SRPK2: variants seen among roughly 807,000 people sequenced by gnomAD.
SRPK2 encodes SFRS protein kinase 2.
A neutral mutation model predicts 90.8 loss-of-function variants in SRPK2; 21 were observed. The observed-to-expected ratio is 0.23, with a 90% CI of 0.16 to 0.33. The LOEUF (loss-of-function observed/expected upper bound fraction) is 0.33, where lower values mean the gene tolerates loss of function less well. Among genes scored for constraint, SRPK2 ranks in the 10% least tolerant of loss-of-function variants. The pLI is 1.00. For missense variants in SRPK2, 620 were observed against 869.0 expected (o/e 0.71, Z 3.60); for synonymous variants, 288 against 311.1 (o/e 0.93, Z 0.78).
At chr7:105,292,374 G>A (rs6963661) in intron 2 of SRPK2, among the ~76,000 whole-genome samples, 65,705 of 151,480 alleles carry the variant, frequency 0.43, 15,651 homozygotes, top group Non-Finnish European at 0.53. Flanking sequence ...TGGGTGTGGC[G>A]GCATATGCCT....
At chr7:105,198,222 T>C (rs1795149480) in intron 3 of SRPK2, among the ~76,000 whole-genome samples, 1 of 152,152 alleles carries the variant, frequency 6.6e-6, no homozygotes, top group Admixed American at 6.5e-5. Context: ...CTCTCAAGGA[T>C]TCCAATTCAG....
chr7:105,311,962 T>C (rs1432408303), intron 2 of SRPK2, among the ~76,000 whole-genome samples: 3 of 152,214 alleles, frequency 2.0e-5, no homozygotes, highest in Non-Finnish European at 1.5e-5. Flanking sequence ...CCAAATGCCA[T>C]CAATGGGTGA....
At chr7:105,236,681 C>A (rs530524963) in intron 2 of SRPK2, among the ~76,000 whole-genome samples, 8 of 152,102 alleles carry the variant, frequency 5.3e-5, no homozygotes, top group Admixed American at 5.2e-4. Flanking sequence ...CCACTTATAA[C>A]AACCTGTAGT....
chr7:105,221,198 G>A (rs1798053658), intron 2 of SRPK2, among the ~76,000 whole-genome samples: 1 of 152,058 alleles, frequency 6.6e-6, no homozygotes, highest in African/African-American at 2.4e-5. Context: ...TCATTATGAG[G>A]GACTTGTATC....
chr7:105,292,870 C>A (rs1017808988), intron 2 of SRPK2, among the ~76,000 whole-genome samples: 1 of 152,232 alleles, frequency 6.6e-6, no homozygotes, highest in African/African-American at 2.4e-5. Flanking sequence ...CAGTTCTACT[C>A]CTGCTCTCTC....
chr7:105,152,298 T>G (rs1805811588), intron 7 of SRPK2, among the ~76,000 whole-genome samples: 1 of 151,976 alleles, frequency 6.6e-6, no homozygotes, highest in African/African-American at 2.4e-5. Context: ...TACAGGCACA[T>G]GTCACCATGC....
chr7:105,377,821 A>C (rs1343069433), intron 2 of SRPK2, among the ~76,000 whole-genome samples: 1 of 152,190 alleles, frequency 6.6e-6, no homozygotes, highest in Non-Finnish European at 1.5e-5. Context: ...CTAATTCAGA[A>C]ACATGGAATT....
At chr7:105,232,807 G>A (rs1284235217) in intron 2 of SRPK2, among the ~76,000 whole-genome samples, 1 of 152,020 alleles carries the variant, frequency 6.6e-6, no homozygotes, top group East Asian at 1.9e-4. Flanking sequence ...GAGGTCAAGA[G>A]ATCGAGACCA....
At chr7:105,250,007 G>A (rs892657356) in intron 2 of SRPK2, among the ~76,000 whole-genome samples, 1 of 152,080 alleles carries the variant, frequency 6.6e-6, no homozygotes, top group South Asian at 2.1e-4. Flanking sequence ...CCATTTCACT[G>A]AGCTAAGCGT....
At chr7:105,293,533 C>T (rs1323193589) in intron 2 of SRPK2, among the ~76,000 whole-genome samples, 4 of 146,196 alleles carry the variant, frequency 2.7e-5, no homozygotes, top group Non-Finnish European at 1.5e-5. Flanking sequence ...GATTTTCATA[C>T]TTCAGCCTCC....
intron 2 of SRPK2, among the ~76,000 whole-genome samples, chr7:105,221,936 CA>C (rs1798147446): frequency 6.6e-6 from 1 of 152,178 alleles, no homozygotes. Flanking sequence ...TATTTCCTCT[CA>C]ATTTTTACCC....
chr7:105,328,865 C>CAAAAA (rs527900668), intron 2 of SRPK2, among the ~76,000 whole-genome samples: 4 of 64,216 alleles, frequency 6.2e-5, no homozygotes, highest in Non-Finnish European at 1.3e-4. Context: ...ACTCTGTCTC[C>CAAAAA]AAAAAAAAAA....
intron 2 of SRPK2, among the ~76,000 whole-genome samples, chr7:105,342,810 C>T (rs572340063): frequency 1.2e-3 from 181 of 152,038 alleles, no homozygotes; most frequent in African/African-American, 4.1e-3. Flanking sequence ...AACAGATAAG[C>T]TTCAAATAAA....
chr7:105,192,344 A>C (rs1174673115), intron 3 of SRPK2, among the ~76,000 whole-genome samples: 1 of 152,166 alleles, frequency 6.6e-6, no homozygotes, highest in Non-Finnish European at 1.5e-5. Context: ...CTTCAATTAG[A>C]ATAATAGAGT....
chr7:105,291,637 CAAG>C (rs1429520489), intron 2 of SRPK2, among the ~76,000 whole-genome samples: 1 of 152,074 alleles, frequency 6.6e-6, no homozygotes, highest in Non-Finnish European at 1.5e-5. Flanking sequence ...AGCTGAGGCA[CAAG>C]AATTGCTTGA....
chr7:105,344,378 G>A (rs1816198605), intron 2 of SRPK2, among the ~76,000 whole-genome samples: 1 of 144,828 alleles, frequency 6.9e-6, no homozygotes, highest in South Asian at 2.2e-4. Context: ...CTCCCAAGTA[G>A]CTAGGACCCC....
intron 1 of SRPK2, among the ~76,000 whole-genome samples, chr7:105,394,933 G>A (rs903947049): frequency 5.3e-5 from 8 of 152,202 alleles, no homozygotes; most frequent in African/African-American, 1.9e-4. Context: ...CCCTTTGGGA[G>A]GCCAAGGTGG....
Position 105,388,853 on chromosome 7 carries a change from G to T in SRPK2, c.-47C>A. ...CGGGGGGCTTCGCGACGGCGACGCG[G>T]GCGCCGAGACGAGCTGGGCTGCAGC... On this transcript the variant is annotated 5_prime_UTR_variant, in exon 1 of 16. Transcript: ENST00000393651. 7.6e-7 allele frequency: 1 copy of T among 1,314,544 alleles called. No individual in the cohort carries two copies. Among genetic ancestry groups the T allele is most frequent in the Non-Finnish European group, 9.6e-7 (1 of 1,037,892 alleles). 81.4% of individuals were successfully genotyped at this position (1,314,544 alleles called of 1,614,324 possible). A position where few individuals can be genotyped will look rare whatever the true frequency, so the allele number is the denominator to read the frequency against.
At chr7:105,164,135 G>A (rs1225232824) in intron 6 of SRPK2, among the ~76,000 whole-genome samples, 1 of 152,152 alleles carries the variant, frequency 6.6e-6, no homozygotes, top group Non-Finnish European at 1.5e-5. Context: ...AGGTGGCAGT[G>A]GTCCAGTCAA....
Sources: allele counts gnomAD v4.1 joint callset (sites outside exome capture counted in the v4.1 genomes callset), GRCh38; gene constraint gnomAD v4.1.1; transcripts MANE v1.5; gene names NCBI Gene and HGNC (gene_info 2026-07-23, HGNC 2026-07-21).